Variants in DAD1 observed in about 807,000 individuals in gnomAD.
DAD1 encodes dolichyl-diphosphooligosaccharide--protein glycosyltransferase subunit DAD1.
In DAD1, 4 loss-of-function variants were observed where a neutral mutation model predicts 9.0. That is an observed-to-expected ratio of 0.44 (90% CI 0.22 to 1.01). The LOEUF is 1.01. Among genes scored for constraint, DAD1 ranks in the 50% least tolerant of loss-of-function variants. The pLI, the probability that DAD1 is intolerant of heterozygous loss-of-function variation, is 0.24. For synonymous variants in DAD1, 60 were observed against 62.5 expected (o/e 0.96, Z 0.19); for missense variants, 119 against 137.3 (o/e 0.87, Z 0.67).
chr14:22,568,992 C>T (rs939752115), intron 2 of DAD1, among the ~76,000 whole-genome samples: 7 of 152,236 alleles, frequency 4.6e-5, no homozygotes, highest in African/African-American at 1.7e-4. Context: ...AGCCACCGCA[C>T]CAGCCCCTCC....
chr14:22,571,746 T>C (rs5742822), intron 2 of DAD1, among the ~76,000 whole-genome samples: 14,034 of 151,456 alleles, frequency 0.093, 1,199 homozygotes, highest in African/African-American at 0.22. Flanking sequence ...TCTCCTGCCT[T>C]AGCCTCCCGA....
At chr14:22,570,001 AC>A (rs1371140450) in intron 2 of DAD1, among the ~76,000 whole-genome samples, 1 of 152,146 alleles carries the variant, frequency 6.6e-6, no homozygotes, top group Non-Finnish European at 1.5e-5. Context: ...CACCTTCTAA[AC>A]AGAGAAAAAT....
At chr14:22,588,604 T>C (rs2037169986) in intron 1 of DAD1, among the ~76,000 whole-genome samples, 1 of 152,140 alleles carries the variant, frequency 6.6e-6, no homozygotes, top group Non-Finnish European at 1.5e-5. Context: ...CAAGGTTGGG[T>C]TTTTCATTTG....
At chr14:22,569,081 C>G (rs1187953106) in intron 2 of DAD1, among the ~76,000 whole-genome samples, 1 of 152,156 alleles carries the variant, frequency 6.6e-6, no homozygotes, top group African/African-American at 2.4e-5. Context: ...TTCTTTCGTA[C>G]CACTTTCCAT....
chr14:22,582,500 G>C (rs1594884195), intron 1 of DAD1, among the ~76,000 whole-genome samples: 1 of 151,998 alleles, frequency 6.6e-6, no homozygotes, highest in African/African-American at 2.4e-5. Context: ...CTCCAGCCTG[G>C]GCAACAGAGC....
At chr14:22,567,096 G>A (rs1341665658) in intron 2 of DAD1, 1 of 152,204 alleles carries the variant, frequency 6.6e-6, no homozygotes, top group Non-Finnish European at 1.5e-5. Context: ...ACTGAGAAAA[G>A]TTAGCGTGAC....
rs184406802 is a variant in DAD1 at position 22,572,378 on chromosome 14, T to C, written c.*44+2681A>G. Among the ~76,000 whole-genome samples the C allele has an allele frequency of 2.8e-3, 424 of 150,784 alleles. 10 individuals are homozygous for C. In the South Asian group the frequency reaches 0.045, roughly 16 times the overall value. ...GAAGCACATAAAAGGAGCAAATAAA[T>C]GTATATTTTTAAAAACTGAGAGCAG... On this transcript the variant is annotated intron_variant, in intron 2 of 2. Transcript: ENST00000250498.
intron 1 of DAD1, among the ~76,000 whole-genome samples, chr14:22,580,262 AT>A (rs1468564604): frequency 6.6e-6 from 1 of 151,812 alleles, no homozygotes; most frequent in African/African-American, 2.4e-5. Context: ...TACAAAAAAA[AT>A]GTTTTAATTA....
At position 22,577,309 on chromosome 14, in the gene DAD1, C is replaced by G. The variant is rs560404620; in HGVS notation, c.212-2076G>C. Among the ~76,000 whole-genome samples the G allele has an allele frequency of 2.2e-3, 333 of 152,236 alleles. 1 individual carries two copies. Among genetic ancestry groups the G allele is most frequent in the African/African-American group, 7.7e-3 (319 of 41,526 alleles). On this transcript the variant is annotated intron_variant, in intron 1 of 2. Transcript: ENST00000250498. ...ATTAGCTGGGCGTGGTGGTAGGCGC[C>G]TGTAATCCCAGCTACTAGGGAAGCT...
intron 2 of DAD1, among the ~76,000 whole-genome samples, chr14:22,574,621 A>G (rs1259311500): frequency 6.6e-6 from 1 of 152,226 alleles, no homozygotes; most frequent in African/African-American, 2.4e-5. Flanking sequence ...AAATGCCCAC[A>G]GTCATTCATC....
intron 2 of DAD1, among the ~76,000 whole-genome samples, chr14:22,570,446 GC>G (rs890034799): frequency 6.6e-6 from 1 of 152,004 alleles, no homozygotes; most frequent in Non-Finnish European, 1.5e-5. Flanking sequence ...GACCTCTGCT[GC>G]CCCCCAATGA....
At chr14:22,566,174 G>GT (rs747321624) in intron 2 of DAD1, among the ~76,000 whole-genome samples, 10 of 152,138 alleles carry the variant, frequency 6.6e-5, no homozygotes, top group Non-Finnish European at 1.3e-4. Flanking sequence ...TGAATCAGTG[G>GT]TATTATAAGA....
At chr14:22,582,513 G>C (rs1211044045) in intron 1 of DAD1, among the ~76,000 whole-genome samples, 2 of 152,054 alleles carry the variant, frequency 1.3e-5, no homozygotes, top group Non-Finnish European at 2.9e-5. Flanking sequence ...AACAGAGCGA[G>C]ACTCCGTCTC....
chr14:22,572,635 T>C (rs2037049201), intron 2 of DAD1, among the ~76,000 whole-genome samples: 1 of 152,206 alleles, frequency 6.6e-6, no homozygotes, highest in Non-Finnish European at 1.5e-5. Flanking sequence ...TTTTTGTCTT[T>C]GCTTTTGTCA....
chr14:22,576,298 CA>C (rs5742791), intron 1 of DAD1, among the ~76,000 whole-genome samples: 13,954 of 152,108 alleles, frequency 0.092, 1,163 homozygotes, highest in African/African-American at 0.22. Context: ...AAGAAACACA[CA>C]AAAACCCTCG....
intron 2 of DAD1, among the ~76,000 whole-genome samples, chr14:22,570,450 C>G (rs977783935): frequency 3.3e-5 from 5 of 152,156 alleles, no homozygotes; most frequent in African/African-American, 9.7e-5. Context: ...TCTGCTGCCC[C>G]CCAATGACTG....
chr14:22,572,098 G>A (rs771299653), intron 2 of DAD1, among the ~76,000 whole-genome samples: 27 of 151,936 alleles, frequency 1.8e-4, no homozygotes, highest in Non-Finnish European at 3.8e-4. Flanking sequence ...CCCTTGAATT[G>A]TTTATTTTTT....
rs2037176182 is a variant in DAD1 at position 22,589,214 on chromosome 14, A to T, written c.-57T>A. On this transcript the variant is annotated 5_prime_UTR_variant, in exon 1 of 3. Transcript: ENST00000250498. ...CAAACTCTTGGAGGACCCGTCGACC[A>T]CACCGGATGTGCTGTTTGCGCATGC... 3 of 1,578,950 alleles carry T rather than the reference A, an allele frequency of 1.9e-6. No individual in the cohort carries two copies. The African/African-American group carries it at 4.0e-5, about 21-fold the overall frequency.
rs1184533169 is a variant in DAD1 at position 22,565,143 on chromosome 14, AG to A, written c.*45-7del. 1 of 702,190 alleles carries A rather than the reference AG, an allele frequency of 1.4e-6. No individual in the cohort carries two copies. Among genetic ancestry groups the A allele is most frequent in the Non-Finnish European group, 2.6e-6 (1 of 384,804 alleles). The allele number at this position is 702,190 out of a possible 1,614,324, so 43.5% of individuals were successfully genotyped here. Reference sequence around the variant, plus strand: ...AGGAAATTCAAAGAGTGAACCTAGAAGAAAAAAGCAGCAAGGTTAAATGTCT... The same window carrying A: ...AGGAAATTCAAAGAGTGAACCTAGAAAAAAAAGCAGCAAGGTTAAATGTCT... On this transcript the variant is annotated splice_region_variant and splice_polypyrimidine_tract_variant and intron_variant, in intron 2 of 2. Transcript: ENST00000250498.
Sources: gnomAD v4.1 joint callset for allele counts (sites outside exome capture counted in the v4.1 genomes callset) on GRCh38, gnomAD v4.1.1 for gene constraint, MANE v1.5 for transcripts, NCBI Gene and HGNC (gene_info 2026-07-23, HGNC 2026-07-21) for gene names.